The following PCDHGA1 variants were observed in gnomAD, a reference collection of about 807,000 sequenced individuals.
The protein encoded by PCDHGA1 is protocadherin gamma subfamily A, 1, also known as protocadherin gamma-A1.
In PCDHGA1, 32 loss-of-function variants were observed where a neutral mutation model predicts 58.0. The observed-to-expected ratio is 0.55, with a 90% confidence interval of 0.42 to 0.74. The LOEUF is 0.74. Ranked by LOEUF, PCDHGA1 falls within the 30% of genes least tolerant of loss-of-function variation. The probability of loss-of-function intolerance (pLI) is 0.00; values close to 1 mark genes in which losing one functional copy is unlikely to be tolerated. For synonymous variants in PCDHGA1, 498 were observed against 501.1 expected (o/e 0.99, Z 0.08); for missense variants, 1,205 against 1,182.3 (o/e 1.02, Z -0.28).
chr5:141,365,302 A>C (rs1763838303), intron 1 of PCDHGA1: 4 of 1,613,872 alleles, frequency 2.5e-6, no homozygotes, highest in Non-Finnish European at 2.5e-6. Context: ...CTCAGGATGG[A>C]GGCGCTCTTG....
chr5:141,502,629 G>A (rs1368174848), intron 2 of PCDHGA1, among the ~76,000 whole-genome samples: 1 of 152,096 alleles, frequency 6.6e-6, no homozygotes, highest in Non-Finnish European at 1.5e-5. Context: ...GTAATCTGTG[G>A]ATGATACTTT....
chr5:141,422,194 C>A, intron 1 of PCDHGA1: 1 of 1,562,366 alleles, frequency 6.4e-7, no homozygotes, highest in South Asian at 1.2e-5. Flanking sequence ...AATTCAAGGC[C>A]AAGATGGTGG....
intron 1 of PCDHGA1, chr5:141,409,404 A>T: frequency 5.0e-6 from 8 of 1,614,046 alleles, no homozygotes; most frequent in Non-Finnish European, 6.8e-6. Flanking sequence ...TCCAATAACT[A>T]CTACAAACTG....
At chr5:141,482,667 G>C (rs2099569914) in intron 1 of PCDHGA1, among the ~76,000 whole-genome samples, 1 of 151,094 alleles carries the variant, frequency 6.6e-6, no homozygotes, top group Admixed American at 6.6e-5. Context: ...ATGATCTAAA[G>C]GTTGAGTAGT....
At chr5:141,400,514 A>T in intron 1 of PCDHGA1, 1 of 1,613,950 alleles carries the variant, frequency 6.2e-7, no homozygotes, top group South Asian at 1.1e-5. Context: ...TCGACTTCCC[A>T]TCCTGAGTTG....
rs1756364587 is a variant in PCDHGA1 at position 141,331,510 on chromosome 5, G to A, written c.826G>A (p.Glu276Lys). Residue 276 changes from glutamate (E) to lysine (K), a missense_variant, in exon 1 of 4, where the codon GAA becomes AAA. Coordinates refer to ENST00000517417, the MANE Select transcript of PCDHGA1 (RefSeq NM_018912.3). ...TGACCCTGATGAGGGAGCCAATGGG[G>A]AAGTAACGTACTCCTTTCACAATGT... is the stretch of plus-strand genomic sequence containing the variant. Reference protein sequence around the residue: ...ATDPDEGANGEVTYSFHNVDH... With the variant: ...ATDPDEGANGKVTYSFHNVDH... 6 of 1,614,158 alleles carry A rather than the reference G, an allele frequency of 3.7e-6. No homozygotes were observed. In the East Asian group the frequency reaches 1.3e-4, roughly 36 times the overall value.
chr5:141,416,178 C>G (rs1392436592), intron 1 of PCDHGA1: 3 of 152,408 alleles, frequency 2.0e-5, no homozygotes, highest in African/African-American at 2.4e-5. Context: ...CTAAGTTTTT[C>G]ATTAATATTG....
intron 1 of PCDHGA1, chr5:141,392,627 G>T: frequency 1.7e-6 from 1 of 584,572 alleles, no homozygotes; most frequent in Non-Finnish European, 2.9e-6. Flanking sequence ...AAAACACTCA[G>T]ATCTCACACC....
At chr5:141,455,874 T>C (rs2098834969) in intron 1 of PCDHGA1, among the ~76,000 whole-genome samples, 1 of 146,458 alleles carries the variant, frequency 6.8e-6, no homozygotes, top group South Asian at 2.1e-4. Flanking sequence ...TTTATTTATT[T>C]ATTTATTTAT....
chr5:141,401,458 A>T (rs1470076616), intron 1 of PCDHGA1, among the ~76,000 whole-genome samples: 1 of 152,186 alleles, frequency 6.6e-6, no homozygotes, highest in Non-Finnish European at 1.5e-5. Context: ...CATCCAAATA[A>T]TTTTCTAAGT....
chr5:141,410,682 C>T (rs1589771736), intron 1 of PCDHGA1: 2 of 1,531,954 alleles, frequency 1.3e-6, no homozygotes, highest in South Asian at 1.2e-5. Context: ...ATATTTTAGG[C>T]ATACTACTTT....
chr5:141,399,146 G>T (rs758823968), intron 1 of PCDHGA1: 1 of 1,613,792 alleles, frequency 6.2e-7, no homozygotes, highest in East Asian at 2.2e-5. Context: ...AATGACAATA[G>T]CCCAGAAGTT....
chr5:141,405,446 G>A, intron 1 of PCDHGA1: 1 of 1,338,140 alleles, frequency 7.5e-7, no homozygotes, highest in Non-Finnish European at 1.0e-6. Flanking sequence ...TTGAGACAGA[G>A]TCTTACTCTG....
intron 1 of PCDHGA1, among the ~76,000 whole-genome samples, chr5:141,483,613 C>A (rs2099583607): frequency 6.6e-6 from 1 of 151,914 alleles, no homozygotes; most frequent in South Asian, 2.1e-4. Context: ...ACACCTCCAT[C>A]ATTCCCATGG....
Position 141,485,668 on chromosome 5 carries a change from T to C in PCDHGA1, c.2422-9139T>C. 6.2e-7 allele frequency: 1 copy of C among 1,612,698 alleles called. No homozygotes were observed. The highest frequency in any genetic ancestry group is 1.3e-5 in the African/African-American group (1 of 74,972). ...CTCAGGATGCAGATGTGGGGAGCAA[T>C]TCGATTAGCAGCTATAGGCTGAGCT... On this transcript the variant is annotated intron_variant, in intron 1 of 3. Transcript: ENST00000517417. The surrounding 1 kb of genome is among the most constrained non-coding windows in gnomAD (Gnocchi z 5.7).
In PCDHGA1 at chr5:141,332,865, T is replaced by G. The variant is rs765369572; in HGVS notation, c.2181T>G (p.Ala727=). 1.2e-6 allele frequency: 2 copies of G among 1,614,104 alleles called. No homozygotes were observed. Among genetic ancestry groups the G allele is most frequent in the Non-Finnish European group, 1.7e-6 (2 of 1,180,042 alleles). The change falls in exon 1 of 4, where the codon GCT becomes GCG. Residue 727 remains alanine, a synonymous_variant. Coordinates refer to ENST00000517417, the MANE Select transcript of PCDHGA1 (RefSeq NM_018912.3). This position sits in a 1 kb window ranked among gnomAD's most constrained non-coding sequence, Gnocchi z 4.6. ...GGCACAAGTCACGTCTGCTACAGGC[T>G]TCGGGAGGCGGCTTAGCGAGCATGC... The part of the protein sequence containing the change: ...RRWHKSRLLQ[A]SGGGLASMPG...
intron 1 of PCDHGA1, among the ~76,000 whole-genome samples, chr5:141,387,521 C>G (rs1036909067): frequency 6.6e-6 from 1 of 152,188 alleles, no homozygotes; most frequent in Non-Finnish European, 1.5e-5. Flanking sequence ...ATTAAATATA[C>G]AGACGTATCC....
At chr5:141,400,654 C>A in intron 1 of PCDHGA1, 1 of 1,142,176 alleles carries the variant, frequency 8.8e-7, no homozygotes, top group Non-Finnish European at 1.3e-6. Context: ...AGCTGTCCTA[C>A]CATTCTTTAA....
chr5:141,430,480 A>G (rs2097288752), intron 1 of PCDHGA1: 1 of 256,116 alleles, frequency 3.9e-6, no homozygotes, highest in Admixed American at 5.4e-5. Context: ...TTAAGATATA[A>G]AAACGAAATA....
Sources: allele counts gnomAD v4.1 joint callset (sites outside exome capture counted in the v4.1 genomes callset), GRCh38; gene constraint gnomAD v4.1.1; non-coding constraint Gnocchi (gnomAD v3.1); transcripts MANE v1.5; gene names NCBI Gene and HGNC (gene_info 2026-07-23, HGNC 2026-07-21).